ZNF302: variants seen among roughly 807,000 people sequenced by gnomAD.
ZNF302 encodes zinc finger protein 327.
Under a neutral mutation model 10.8 loss-of-function variants are expected in ZNF302, and 12 were observed. The ratio of observed to expected loss-of-function variants is 1.11; its 90% CI spans 0.71 to 1.79. ZNF302 has a LOEUF of 1.79. Among genes scored for constraint, ZNF302 ranks in the 40% most tolerant of loss-of-function variants. ZNF302 has a pLI of 0.00. For synonymous variants in ZNF302, 178 were observed against 157.5 expected (o/e 1.13, Z -0.98); for missense variants, 461 against 471.1 (o/e 0.98, Z 0.20).
chr19:34,684,439 T>C lies in ZNF302; in HGVS notation c.402T>C (p.Leu134=), dbSNP rs762460796. 1.4e-5 allele frequency: 23 copies of C among 1,613,222 alleles called. No homozygotes were observed. The Admixed American group carries it at 3.8e-4, about 27-fold the overall frequency. ...FRSTFHSKST[L]SEPQNNSAEG... Reference sequence around the variant, plus strand: ...GCACCTTTCATTCAAAGTCTACTCTTTCTGAACCACAAAACAATTCTGCTG... The same window carrying C: ...GCACCTTTCATTCAAAGTCTACTCTCTCTGAACCACAAAACAATTCTGCTG... Residue 134 remains leucine, a synonymous_variant, in exon 5 of 5, where the codon CTT becomes CTC. Coordinates refer to ENST00000505242, the MANE Select transcript of ZNF302 (RefSeq NM_001289187.2).
chr19:34,683,648 T>C (rs1247773894), intron 4 of ZNF302, among the ~76,000 whole-genome samples: 1 of 152,188 alleles, frequency 6.6e-6, no homozygotes, highest in Non-Finnish European at 1.5e-5. Flanking sequence ...GTAAGGGACA[T>C]ATAAATGTTT....
rs578170200 is a variant in ZNF302, at chr19:34,686,152, T to G, written c.*915T>G. The G allele has an allele frequency of 1.3e-5, 2 of 152,592 alleles. No homozygotes were observed. The highest frequency in any genetic ancestry group is 4.1e-4 in the South Asian group (2 of 4,842). 9.5% of individuals were successfully genotyped at this position (152,592 alleles called of 1,614,324 possible). A position where few individuals can be genotyped will look rare whatever the true frequency, so the allele number is the denominator to read the frequency against. ...AATTACATATAAATCTTTGCAGTTA[T>G]GCTATTTGTAAACAGGATTATATAG... On this transcript the variant is annotated 3_prime_UTR_variant, in exon 5 of 5. Coordinates refer to ENST00000505242, the MANE Select transcript of ZNF302 (RefSeq NM_001289187.2).
rs201759224 is a variant in ZNF302 at position 34,685,225 on chromosome 19, G to A, written c.1188G>A (p.Pro396=). ...AGAGTATTCATACTGAAGAAAAACC[G>A]TTTGAAGTTTAGAAATGCAGGAAAT... is the stretch of plus-strand genomic sequence containing the variant. ...QHQSIHTEEK[P]FEV The change falls in exon 5 of 5, where the codon CCG becomes CCA. Residue 396 remains proline (P), a synonymous_variant. Transcript: ENST00000505242. 1.1e-4 allele frequency: 184 copies of A among 1,612,358 alleles called. No individual in the cohort carries two copies. Among genetic ancestry groups the A allele is most frequent in the Admixed American group, 2.2e-4 (13 of 59,842 alleles).
In ZNF302 at chr19:34,684,937, C is replaced by T. The variant is rs375043128; in HGVS notation, c.900C>T (p.Leu300=). The change falls in exon 5 of 5, where the codon CTC becomes CTT. Residue 300 remains leucine, a synonymous_variant. Coordinates refer to ENST00000505242, the MANE Select transcript of ZNF302 (RefSeq NM_001289187.2). ...AGTCTTTTAGTCGTGTGTCCCTTCT[C>T]ATTCAGCATCTAAGAATTCATACGC... ...CGKSFSRVSL[L]IQHLRIHTQE... The T allele has an allele frequency of 2.5e-6, 4 of 1,613,988 alleles. No homozygotes were observed. The Admixed American group carries it at 5.0e-5, about 20-fold the overall frequency.
Position 34,683,383 on chromosome 19 carries a change from T to C in ZNF302, c.214+145T>C, listed in dbSNP as rs1268728044. On this transcript the variant is annotated intron_variant, in intron 4 of 4. Coordinates refer to ENST00000505242, the MANE Select transcript of ZNF302 (RefSeq NM_001289187.2). ...AATTGAGGGATATTTAGCTTAGATTTTCAAAACAATTGTTCCTCCCTCTCA... is the reference window on the plus strand; with the variant it reads ...AATTGAGGGATATTTAGCTTAGATTCTCAAAACAATTGTTCCTCCCTCTCA... 4 of 903,426 alleles carry C rather than the reference T, an allele frequency of 4.4e-6. No homozygotes were observed. The Admixed American group carries it at 1.1e-4, about 24-fold the overall frequency. 56.0% of individuals were successfully genotyped at this position (903,426 alleles called of 1,614,324 possible).
Position 34,683,951 on chromosome 19 carries a change from T to C in ZNF302, c.215-301T>C, listed in dbSNP as rs1474678428. Reference sequence around the variant, plus strand: ...AATGCCTTCCACATCTTATTTCTGATACTTTCCTTTTTTCCATACTATTTT... The same window carrying C: ...AATGCCTTCCACATCTTATTTCTGACACTTTCCTTTTTTCCATACTATTTT... On this transcript the variant is annotated intron_variant, in intron 4 of 4. Coordinates refer to ENST00000505242, the MANE Select transcript of ZNF302 (RefSeq NM_001289187.2). 7.7e-6 allele frequency: 10 copies of C among 1,300,052 alleles called. No individual in the cohort carries two copies. The African/African-American group carries it at 1.5e-4, about 20-fold the overall frequency. The allele number at this position is 1,300,052 out of a possible 1,614,324, so 80.5% of individuals were successfully genotyped here. A position where few individuals can be genotyped will look rare whatever the true frequency, so the allele number is the denominator to read the frequency against.
At position 34,684,464 on chromosome 19, in the gene ZNF302, G is replaced by A. The variant is rs761705506; in HGVS notation, c.427G>A (p.Glu143Lys). Residue 143 changes from glutamate (E) to lysine (K), a missense_variant, in exon 5 of 5, where the codon GAA (glutamate) becomes AAA (lysine). By Grantham distance (56) the Glu-to-Lys change is moderately conservative (BLOSUM62 1). Coordinates refer to ENST00000505242, the MANE Select transcript of ZNF302 (RefSeq NM_001289187.2). ...TLSEPQNNSA[E>K]GNSHKYDILK... Reference sequence around the variant, plus strand: ...TTCTGAACCACAAAACAATTCTGCTGAAGGGAATTCACACAAATATGATAT... The same window carrying A: ...TTCTGAACCACAAAACAATTCTGCTAAAGGGAATTCACACAAATATGATAT... The A allele has an allele frequency of 8.7e-6, 14 of 1,612,968 alleles. No individual in the cohort carries two copies. Among genetic ancestry groups the A allele is most frequent in the African/African-American group, 1.3e-5 (1 of 74,850 alleles).
At chr19:34,679,203 G>T (rs1399393483) in intron 2 of ZNF302, among the ~76,000 whole-genome samples, 1 of 152,102 alleles carries the variant, frequency 6.6e-6, no homozygotes, top group Non-Finnish European at 1.5e-5. Flanking sequence ...CTCTAGTTTG[G>T]ATCTAAACGA....
intron 4 of ZNF302, 65 bp from the exon 5 acceptor site, chr19:34,684,187 A>G: frequency 2.1e-6 from 1 of 477,014 alleles, no homozygotes; most frequent in Non-Finnish European, 2.6e-6. Flanking sequence ...AAAAAAAAAA[A>G]AAAAAAAAAA....
intron 2 of ZNF302, 34 bp downstream of exon 2, chr19:34,678,847 A>T: frequency 6.2e-7 from 1 of 1,613,478 alleles, no homozygotes; most frequent in African/African-American, 1.3e-5. Context: ...TTCCTGAAAC[A>T]CTTTATTAGG....
At chr19:34,678,543 A>G (rs1251497305) in intron 1 of ZNF302, among the ~76,000 whole-genome samples, 194 bp from the exon 2 acceptor site, 1 of 152,176 alleles carries the variant, frequency 6.6e-6, no homozygotes, top group Non-Finnish European at 1.5e-5. Flanking sequence ...TTTTGTATAC[A>G]GAATAATTGA....
In ZNF302 at chr19:34,685,192, T is replaced by G. The variant is rs1290078618; in HGVS notation, c.1155T>G (p.Val385=). Residue 385 remains valine, a synonymous_variant, in exon 5 of 5, where the codon GTT becomes GTG. Transcript: ENST00000505242. ...TCTTTAGTAGCTTCTCATTTCTTGT[T>G]CAACATCAGAGTATTCATACTGAAG... is the stretch of plus-strand genomic sequence containing the variant. ...LKVFSSFSFL[V]QHQSIHTEEK... is the part of the protein sequence containing the mutation. 6.2e-7 allele frequency: 1 copy of G among 1,606,052 alleles called. No individual in the cohort carries two copies. The highest frequency in any genetic ancestry group is 1.1e-5 in the South Asian group (1 of 89,692).
rs779851406 is a variant in ZNF302, at chr19:34,684,566, A to G, written c.529A>G (p.Asn177Asp). Reference protein sequence around the residue: ...INGGKKLLNSNKSGAAFNQSK... With the variant: ...INGGKKLLNSDKSGAAFNQSK... ...TGGTGGAAAGAAACTTTTAAATTCT[A>G]ATAAAAGTGGGGCAGCCTTCAACCA... The change falls in exon 5 of 5, where the codon AAT becomes GAT. Residue 177 changes from asparagine to aspartate, a missense_variant. By Grantham distance (23) the Asn-to-Asp change is conservative (BLOSUM62 1). Coordinates refer to ENST00000505242, the MANE Select transcript of ZNF302 (RefSeq NM_001289187.2). The G allele has an allele frequency of 2.5e-6, 4 of 1,613,780 alleles. No individual in the cohort carries two copies. Among genetic ancestry groups the G allele is most frequent in the Middle Eastern group, 1.6e-4 (1 of 6,084 alleles).
At chr19:34,684,101 A>G (rs1299538371) in intron 4 of ZNF302, 151 bp from the exon 5 acceptor site, 15 of 1,459,488 alleles carry the variant, frequency 1.0e-5, no homozygotes, top group East Asian at 5.5e-5. Context: ...TGTCAGAACT[A>G]TGTGTTTTCT....
At position 34,684,346 on chromosome 19, in the gene ZNF302, AAAAC is replaced by A; in HGVS notation, c.313_316del (p.Gln105ValfsTer47). 1 of 1,600,968 alleles carries A rather than the reference AAAAC, an allele frequency of 6.2e-7. No homozygotes were observed. The highest frequency in any genetic ancestry group is 1.7e-5 in the Admixed American group (1 of 57,156). On this transcript the variant is annotated frameshift_variant, in exon 5 of 5. Coordinates refer to ENST00000505242, the MANE Select transcript of ZNF302 (RefSeq NM_001289187.2). LOFTEE classifies it low-confidence loss of function (END_TRUNC). Reference sequence around the variant, plus strand: ...AACCAGTAACAATGGAAAAAGTTGTAAAACAAAGTTATGAATTTTCAAATTCTAA... The same window carrying A: ...AACCAGTAACAATGGAAAAAGTTGTAAAAGTTATGAATTTTCAAATTCTAA...
chr19:34,684,170 GTAAAAAAAAAA>G, intron 4 of ZNF302, 71 bp from the exon 5 acceptor site: 1 of 215,110 alleles, frequency 4.6e-6, no homozygotes, highest in African/African-American at 7.1e-5. Flanking sequence ...TTTTCAAGAA[GTAAAAAAAAAA>G]AAAAAAAAAA....
chr19:34,685,298 A>G lies in ZNF302; in HGVS notation c.*61A>G. On this transcript the variant is annotated 3_prime_UTR_variant, in exon 5 of 5. Transcript: ENST00000505242. ...GAATATGCATTTGAGAAATCACATT[A>G]GATTGAAACCCTACGAATGCAGTAT... 2 of 1,613,980 alleles carry G rather than the reference A, an allele frequency of 1.2e-6. No homozygotes were observed. The highest frequency in any genetic ancestry group is 2.2e-5 in the South Asian group (2 of 91,070).
Position 34,684,528 on chromosome 19 carries a change from G to C in ZNF302, c.491G>C (p.Ser164Thr). 6.2e-7 allele frequency: 1 copy of C among 1,613,040 alleles called. No homozygotes were observed. Among genetic ancestry groups the C allele is most frequent in the Non-Finnish European group, 8.5e-7 (1 of 1,179,400 alleles). Residue 164 changes from serine to threonine, a missense_variant, in exon 5 of 5, where the codon AGT (serine) becomes ACT (threonine). Coordinates refer to ENST00000505242, the MANE Select transcript of ZNF302 (RefSeq NM_001289187.2). ...TTATCAAAAAAGTCAGTTATAAAAA[G>C]TGAGAGAATAAATGGTGGAAAGAAA... ...KNLSKKSVIK[S>T]ERINGGKKLL...
At chr19:34,683,952 A>G (rs1238468637) in intron 4 of ZNF302, 2 of 1,302,646 alleles carry the variant, frequency 1.5e-6, no homozygotes, top group Non-Finnish European at 9.8e-7. Context: ...TATTTCTGAT[A>G]CTTTCCTTTT....
Sources: gnomAD v4.1 joint callset for allele counts (sites outside exome capture counted in the v4.1 genomes callset) on GRCh38, gnomAD v4.1.1 for gene constraint, MANE v1.5 for transcripts, NCBI Gene and HGNC (gene_info 2026-07-23, HGNC 2026-07-21) for gene names.